Variants in LHFPL3 observed in about 807,000 individuals in gnomAD.
LHFPL3 encodes LHFPL tetraspan subfamily member 3.
LHFPL3 carries 5 observed loss-of-function variants against 19.3 expected under a neutral mutation model. That is an observed-to-expected ratio of 0.26 (90% CI 0.14 to 0.54). The LOEUF (loss-of-function observed/expected upper bound fraction) is 0.54. LHFPL3 is among the 20% of genes least tolerant of loss of function. The pLI, the probability that LHFPL3 is intolerant of heterozygous loss-of-function variation, is 0.94. For missense variants in LHFPL3, 249 were observed against 307.4 expected, an observed-to-expected ratio of 0.81 and a Z score of 1.42; for synonymous variants, 133 against 126.2, an observed-to-expected ratio of 1.05 and a Z score of -0.36.
At chr7:104,644,976 C>T (rs1352043965) in intron 1 of LHFPL3, among the ~76,000 whole-genome samples, 1 of 152,174 alleles carries the variant, frequency 6.6e-6, no homozygotes, top group Non-Finnish European at 1.5e-5. Flanking sequence ...CACCCCACAG[C>T]CCCTCTGCAG....
chr7:104,778,963 A>T (rs1794677308), intron 2 of LHFPL3, among the ~76,000 whole-genome samples: 1 of 152,178 alleles, frequency 6.6e-6, no homozygotes, highest in Admixed American at 6.5e-5. Context: ...ATTCTTCAAA[A>T]CTGAATTCAA....
chr7:104,358,842 C>A (rs1790335839), intron 1 of LHFPL3, among the ~76,000 whole-genome samples: 1 of 152,194 alleles, frequency 6.6e-6, no homozygotes, highest in Non-Finnish European at 1.5e-5. Flanking sequence ...TTATTGAGAG[C>A]TGTGATTTGT....
intron 2 of LHFPL3, among the ~76,000 whole-genome samples, chr7:104,793,564 A>G (rs376388144): frequency 6.6e-6 from 1 of 152,196 alleles, no homozygotes; most frequent in Non-Finnish European, 1.5e-5. Context: ...ACATTTTTCT[A>G]AAGAATGGTT....
At chr7:104,673,441 A>G (rs1792525663) in intron 1 of LHFPL3, among the ~76,000 whole-genome samples, 2 of 152,240 alleles carry the variant, frequency 1.3e-5, no homozygotes, top group Non-Finnish European at 2.9e-5. Context: ...GCATGATCAG[A>G]GATCTTGGTA....
intron 2 of LHFPL3, among the ~76,000 whole-genome samples, chr7:104,876,535 A>T (rs7458896): frequency 0.9 from 134,492 of 149,704 alleles, 60,677 homozygotes; most frequent in East Asian, 1. Flanking sequence ...ATGCTCATCA[A>T]CACTGGCCAT....
At chr7:104,387,758 G>A (rs771695431) in intron 1 of LHFPL3, among the ~76,000 whole-genome samples, 27 of 152,104 alleles carry the variant, frequency 1.8e-4, no homozygotes, top group Admixed American at 8.5e-4. Flanking sequence ...CCACAACTAC[G>A]TACATTAGAG....
intron 1 of LHFPL3, among the ~76,000 whole-genome samples, chr7:104,572,377 TA>T (rs1790246214): frequency 6.6e-6 from 1 of 152,150 alleles, no homozygotes; most frequent in East Asian, 1.9e-4. Context: ...TTAGGCGAGG[TA>T]AATGATCAAG....
chr7:104,884,610 TAGG>T (rs1792116057), intron 2 of LHFPL3, among the ~76,000 whole-genome samples: 1 of 152,180 alleles, frequency 6.6e-6, no homozygotes, highest in Non-Finnish European at 1.5e-5. Flanking sequence ...AACCAGCTGT[TAGG>T]AGGGAAATTG....
chr7:104,508,051 T>C (rs1455813125), intron 1 of LHFPL3, among the ~76,000 whole-genome samples: 325 of 148,466 alleles, frequency 2.2e-3, no homozygotes, highest in African/African-American at 6.7e-3. Context: ...GTCAGTGTGG[T>C]GATTCCTCAG....
intron 1 of LHFPL3, among the ~76,000 whole-genome samples, chr7:104,686,292 C>A (rs569167253): frequency 6.6e-6 from 1 of 152,202 alleles, no homozygotes; most frequent in African/African-American, 2.4e-5. Flanking sequence ...CTCCAAGGCA[C>A]CTACACCACC....
intron 2 of LHFPL3, among the ~76,000 whole-genome samples, chr7:104,781,190 C>T (rs947313320): frequency 3.3e-5 from 5 of 152,130 alleles, no homozygotes; most frequent in African/African-American, 1.2e-4. Flanking sequence ...CCCTACTGTC[C>T]CACCCAGTGG....
chr7:104,412,905 G>A (rs992630379), intron 1 of LHFPL3, among the ~76,000 whole-genome samples: 2 of 152,028 alleles, frequency 1.3e-5, no homozygotes, highest in African/African-American at 4.8e-5. Flanking sequence ...AAATGTGTTT[G>A]TCAGGTCTGT....
chr7:104,539,051 G>T (rs1035655579), intron 1 of LHFPL3, among the ~76,000 whole-genome samples: 1 of 152,178 alleles, frequency 6.6e-6, no homozygotes, highest in East Asian at 1.9e-4. Flanking sequence ...CAAGCTAGGA[G>T]AGTAAAAAAC....
intron 1 of LHFPL3, among the ~76,000 whole-genome samples, chr7:104,595,437 G>A (rs931485141): frequency 1.2e-4 from 19 of 152,126 alleles, no homozygotes; most frequent in Non-Finnish European, 1.6e-4. Flanking sequence ...TGGAAGCTTT[G>A]TCCCAGAGAG....
At position 104,714,343 on chromosome 7, in the gene LHFPL3, T is replaced by C. The variant is rs888283454; in HGVS notation, c.446-22332T>C. Among the ~76,000 whole-genome samples the C allele has an allele frequency of 4.7e-4, 71 of 152,308 alleles. 1 individual carries two copies. Among genetic ancestry groups the C allele is most frequent in the African/African-American group, 1.7e-3 (71 of 41,558 alleles). On this transcript the variant is annotated intron_variant, in intron 1 of 2. Coordinates refer to ENST00000424859, the MANE Select transcript of LHFPL3 (RefSeq NM_199000.3). ...GTTATTGGAAGATCTTACCATAGAT[T>C]GGTCATAGCCAAACATATTGTAAAT... is the stretch of plus-strand genomic sequence containing the variant.
intron 1 of LHFPL3, among the ~76,000 whole-genome samples, chr7:104,353,507 A>G (rs938892279): frequency 6.6e-6 from 1 of 152,252 alleles, no homozygotes; most frequent in Non-Finnish European, 1.5e-5. Context: ...TTGTATATAA[A>G]TAAAGGCAGC....
At chr7:104,802,505 AAAAAAAAAAAGAG>A (rs1014629265) in intron 2 of LHFPL3, among the ~76,000 whole-genome samples, 2 of 144,550 alleles carry the variant, frequency 1.4e-5, no homozygotes, top group Non-Finnish European at 3.1e-5. Context: ...AAAAAAAAAA[AAAAAAAAAAAGAG>A]AGAGAGAGCA....
chr7:104,555,912 A>G (rs1794755181), intron 1 of LHFPL3, among the ~76,000 whole-genome samples: 1 of 152,234 alleles, frequency 6.6e-6, no homozygotes, highest in Non-Finnish European at 1.5e-5. Context: ...GACCAAAACA[A>G]AGGGGCTACA....
chr7:104,592,139 C>G (rs1255377312), intron 1 of LHFPL3, among the ~76,000 whole-genome samples: 1 of 152,174 alleles, frequency 6.6e-6, no homozygotes, highest in Admixed American at 6.5e-5. Context: ...AAGTCATTCT[C>G]CATCCAGCTT....
Sources: gnomAD v4.1 joint callset for allele counts (sites outside exome capture counted in the v4.1 genomes callset) on GRCh38, gnomAD v4.1.1 for gene constraint, MANE v1.5 for transcripts, NCBI Gene and HGNC (gene_info 2026-07-23, HGNC 2026-07-21) for gene names.